ME3: variants seen among roughly 807,000 people sequenced by gnomAD.
ME3 encodes NADP-dependent malic enzyme, mitochondrial.
ME3 carries 48 observed loss-of-function variants against 68.9 expected under a neutral mutation model. The observed-to-expected ratio is 0.70, with a 90% CI of 0.55 to 0.89. ME3 has a LOEUF of 0.89. Ranked by LOEUF, ME3 falls within the 40% of genes least tolerant of loss-of-function variation. ME3 has a pLI of 0.00. For missense variants in ME3, 675 were observed against 797.4 expected (o/e 0.85, Z 1.85); for synonymous variants, 320 against 318.8 (o/e 1.00, Z -0.04).
intron 2 of ME3, among the ~76,000 whole-genome samples, chr11:86,597,714 AAT>A (rs1256349550): frequency 2.0e-4 from 30 of 152,304 alleles, no homozygotes; most frequent in African/African-American, 6.5e-4. Context: ...TTTCGAGCCA[AAT>A]ATGAGTGACC....
rs190515489 is a variant in ME3 at position 86,565,213 on chromosome 11, A to C, written c.184-5390T>G. Among the ~76,000 whole-genome samples the C allele has an allele frequency of 1.5e-3, 229 of 151,420 alleles. 2 individuals carry two copies. Among genetic ancestry groups the C allele is most frequent in the Admixed American group, 0.012 (184 of 15,206 alleles). ...CACACGTACACATACACACACACAC[A>C]CCCCCCCTAGGAAACAAGTGTTGAT... On this transcript the variant is annotated intron_variant, in intron 2 of 14. Transcript: ENST00000543262.
intron 5 of ME3, among the ~76,000 whole-genome samples, chr11:86,504,583 G>A (rs1019303977): frequency 9.2e-5 from 14 of 151,856 alleles, no homozygotes; most frequent in African/African-American, 2.7e-4. Flanking sequence ...TAGAAGAGAC[G>A]GGGTTTTACC....
In ME3 at chr11:86,525,878, AAGG is replaced by A. The variant is rs1313816513; in HGVS notation, c.468-17014_468-17012del. ...ACTCTGTCTCAAAAAAAAAAAAAAA[AAGG>A]AGAGGGTGGAGCCAAGAGGGCCTAA... On this transcript the variant is annotated intron_variant, in intron 4 of 14. Coordinates refer to ENST00000543262, the Ensembl canonical transcript of ME3. Among the ~76,000 whole-genome samples, 7 of 151,898 alleles carry A rather than the reference AAGG, an allele frequency of 4.6e-5. No individual in the cohort carries two copies. In the South Asian group the frequency reaches 6.2e-4, roughly 14 times the overall value.
intron 4 of ME3, among the ~76,000 whole-genome samples, chr11:86,515,706 C>G (rs1412529290): frequency 1.3e-5 from 2 of 152,130 alleles, no homozygotes; most frequent in Non-Finnish European, 2.9e-5. Context: ...CCTGGCAGCT[C>G]TTTACGGATG....
intron 2 of ME3, among the ~76,000 whole-genome samples, chr11:86,616,568 C>A (rs957854348): frequency 6.6e-6 from 1 of 152,152 alleles, no homozygotes; most frequent in Admixed American, 6.5e-5. Flanking sequence ...CTGAAAGTCA[C>A]ACAGCATCAG....
chr11:86,611,584 G>T (rs1479597337), intron 2 of ME3, among the ~76,000 whole-genome samples: 1 of 112,096 alleles, frequency 8.9e-6, no homozygotes, highest in Non-Finnish European at 1.8e-5. Context: ...ATTTCTATTT[G>T]TCAAATATAA....
intron 4 of ME3, among the ~76,000 whole-genome samples, chr11:86,529,848 C>T (rs1955068043): frequency 1.3e-5 from 2 of 152,122 alleles, no homozygotes; most frequent in South Asian, 4.1e-4. Flanking sequence ...ATTGATGGGA[C>T]ATATCTCAAA....
At chr11:86,452,412 G>A (rs1949685141) in intron 8 of ME3, among the ~76,000 whole-genome samples, 1 of 152,124 alleles carries the variant, frequency 6.6e-6, no homozygotes, top group Non-Finnish European at 1.5e-5. Flanking sequence ...TCTTCTAGGG[G>A]CGTATCTTCA....
In ME3 at chr11:86,587,787, T is replaced by A; in HGVS notation, c.184-27964A>T. Among the ~76,000 whole-genome samples, 2 of 152,234 alleles carry A rather than the reference T, an allele frequency of 1.3e-5. 1 individual carries two copies. Among genetic ancestry groups the A allele is most frequent in the South Asian group, 4.1e-4 (2 of 4,832 alleles). ...AACCGGTCTCTCTCATTTAAAAAGA[T>A]AACAGAACAAATTGAGTTACTTTTA... On this transcript the variant is annotated intron_variant, in intron 2 of 14. Coordinates refer to ENST00000543262, the Ensembl canonical transcript of ME3.
chr11:86,518,974 G>A (rs1272961731), intron 4 of ME3, among the ~76,000 whole-genome samples: 2 of 152,166 alleles, frequency 1.3e-5, no homozygotes, highest in African/African-American at 2.4e-5. Flanking sequence ...GTCCCCCACA[G>A]GTGTCAGAGG....
chr11:86,609,171 A>C (rs12288119), intron 2 of ME3, among the ~76,000 whole-genome samples: 60,670 of 152,032 alleles, frequency 0.4, 12,738 homozygotes, highest in East Asian at 0.71. Flanking sequence ...TTATTCTCTT[A>C]AACACAATAA....
chr11:86,457,866 A>G (rs1950028139), intron 8 of ME3: 9 of 1,112,996 alleles, frequency 8.1e-6, no homozygotes, highest in Non-Finnish European at 1.0e-5. Context: ...GAAATAGCAC[A>G]AAAGGACATG....
intron 4 of ME3, among the ~76,000 whole-genome samples, chr11:86,556,007 A>T (rs1240096398): frequency 6.6e-6 from 1 of 152,178 alleles, no homozygotes; most frequent in African/African-American, 2.4e-5. Flanking sequence ...TTGAAAAAAA[A>T]CCTGATTGCT....
intron 4 of ME3, among the ~76,000 whole-genome samples, chr11:86,525,532 A>G (rs1006788788): frequency 6.6e-5 from 10 of 151,626 alleles, no homozygotes; most frequent in African/African-American, 2.4e-4. Context: ...AAAAAGACCC[A>G]CTATATTTTG....
At chr11:86,632,472 T>C (rs1944082585) in intron 2 of ME3, among the ~76,000 whole-genome samples, 1 of 152,118 alleles carries the variant, frequency 6.6e-6, no homozygotes, top group South Asian at 2.1e-4. Context: ...TTTAGCAGGG[T>C]TTCCTGAAAA....
chr11:86,529,547 A>C (rs1955039986), intron 4 of ME3, among the ~76,000 whole-genome samples: 1 of 152,196 alleles, frequency 6.6e-6, no homozygotes, highest in South Asian at 2.1e-4. Flanking sequence ...TGGCAGAGAC[A>C]CAACAAAAAA....
At chr11:86,452,994 G>C (rs1273307243) in intron 8 of ME3, among the ~76,000 whole-genome samples, 1 of 150,482 alleles carries the variant, frequency 6.6e-6, no homozygotes, top group East Asian at 1.9e-4. Flanking sequence ...TTTTGTTTTT[G>C]TTTTTGTTTT....
intron 2 of ME3, among the ~76,000 whole-genome samples, chr11:86,567,077 C>A (rs1047906308): frequency 6.6e-6 from 1 of 151,934 alleles, no homozygotes; most frequent in Non-Finnish European, 1.5e-5. Context: ...ATTAGTCAGG[C>A]ATGGTGGTGC....
rs1286907130 is a variant in ME3 at position 86,514,778 on chromosome 11, A to T, written c.468-5911T>A. Among the ~76,000 whole-genome samples, 8 of 152,332 alleles carry T rather than the reference A, an allele frequency of 5.3e-5. No individual in the cohort carries two copies. In the East Asian group the frequency reaches 1.3e-3, roughly 26 times the overall value. ...TGATTAAATAAGTCAATGTATCTTTAAAAAATACATTACAGTGTCTGCTGG... is the reference window on the plus strand; with the variant it reads ...TGATTAAATAAGTCAATGTATCTTTTAAAAATACATTACAGTGTCTGCTGG... On this transcript the variant is annotated intron_variant, in intron 4 of 14. Coordinates refer to ENST00000543262, the Ensembl canonical transcript of ME3.
Sources: gnomAD v4.1 joint callset for allele counts (sites outside exome capture counted in the v4.1 genomes callset) on GRCh38, gnomAD v4.1.1 for gene constraint, MANE v1.5 for transcripts, NCBI Gene and HGNC (gene_info 2026-07-23, HGNC 2026-07-21) for gene names.